PHACTR2: variants seen among roughly 807,000 people sequenced by gnomAD.
PHACTR2 encodes the protein phosphatase and actin regulator 2.
In PHACTR2, 30 loss-of-function variants were observed where a neutral mutation model predicts 76.0. That is an observed-to-expected ratio of 0.39 (90% CI 0.30 to 0.54). The LOEUF (loss-of-function observed/expected upper bound fraction) is 0.54, where lower values mean the gene tolerates loss of function less well. Among genes scored for constraint, PHACTR2 ranks in the 20% least tolerant of loss-of-function variants. The probability of loss-of-function intolerance (pLI) is 0.61; values close to 1 mark genes in which losing one functional copy is unlikely to be tolerated. For synonymous variants in PHACTR2, 292 were observed against 292.5 expected (o/e 1.00, Z 0.02); for missense variants, 696 against 781.1 (o/e 0.89, Z 1.30).
At position 143,758,960 on chromosome 6, in the gene PHACTR2, C is replaced by G. The variant is rs1266752816; in HGVS notation, c.455-1441C>G. ...ATGCAGTATATTCCAATATTAAAAC[C>G]CTTTCTAGAGCATTCAATTATGGGA... is the stretch of plus-strand genomic sequence containing the variant. On this transcript the variant is annotated intron_variant, in intron 4 of 12. Transcript: ENST00000440869. Among the ~76,000 whole-genome samples the G allele has an allele frequency of 2.6e-5, 4 of 151,970 alleles. No individual in the cohort carries two copies. The East Asian group carries it at 7.7e-4, about 29-fold the overall frequency.
chr6:143,717,780 C>T (rs571830170), intron 2 of PHACTR2, among the ~76,000 whole-genome samples: 11 of 152,190 alleles, frequency 7.2e-5, no homozygotes, highest in South Asian at 2.1e-4. Context: ...ACTGTGTTGC[C>T]GGGCTGTTCT....
chr6:143,814,331 A>G (rs1776251357), intron 12 of PHACTR2, among the ~76,000 whole-genome samples: 1 of 152,152 alleles, frequency 6.6e-6, no homozygotes, highest in South Asian at 2.1e-4. Context: ...CAGAGTGAGA[A>G]TCTGTCTCGA....
rs369526631 is a variant in PHACTR2, at chr6:143,735,200, C to T, written c.215-13785C>T. Among the ~76,000 whole-genome samples the T allele has an allele frequency of 3.4e-4, 52 of 152,194 alleles. 2 individuals are homozygous for T. Among genetic ancestry groups the T allele is most frequent in the African/African-American group, 1.0e-3 (42 of 41,530 alleles). ...GACTGTAAGTTTTGAAATTGGTACT[C>T]ATGAAGTTTCCTTTATTCCAAAGTA... On this transcript the variant is annotated intron_variant, in intron 2 of 12. Coordinates refer to ENST00000440869, the MANE Select transcript of PHACTR2 (RefSeq NM_001100164.2).
At chr6:143,711,986 C>T (rs1379386344) in intron 1 of PHACTR2, 30 bp from the exon 2 acceptor site, 7 of 1,602,048 alleles carry the variant, frequency 4.4e-6, no homozygotes, top group East Asian at 2.2e-5. Context: ...TTTTTACAAC[C>T]TTTCTCTGTC....
Position 143,772,254 on chromosome 6 carries a change from A to G in PHACTR2, c.1233-4A>G. The G allele has an allele frequency of 6.2e-7, 1 of 1,610,972 alleles. No individual in the cohort carries two copies. ...TCACTCCCATGCTTTTCTGCCTTTA[A>G]CAGTTTCACAACCAAAGAGGAGCTG... On this transcript the variant is annotated splice_polypyrimidine_tract_variant and splice_region_variant and intron_variant, in intron 6 of 12. Transcript: ENST00000440869. This position sits in a 1 kb window ranked among gnomAD's most constrained non-coding sequence, Gnocchi z 5.4.
In PHACTR2 at chr6:143,628,922, GAGAT is replaced by G. The variant is rs1173146966; in HGVS notation, c.13+20602_13+20605del. 8.8e-4 allele frequency among the ~76,000 whole-genome samples: 92 copies of G among 104,482 alleles called. 13 individuals are homozygous for G. The highest frequency in any genetic ancestry group is 1.1e-3 in the Non-Finnish European group (63 of 54,892). The allele number at this position is 104,482 out of a possible 152,430, so 68.5% of individuals were successfully genotyped here. Reference sequence around the variant, plus strand: ...AAAGAAGATGAATGTTTAAATGCAGGAGATATATATATATATATATATATATATA... The same window carrying G: ...AAAGAAGATGAATGTTTAAATGCAGGATATATATATATATATATATATATA... On this transcript the variant is annotated intron_variant, in intron 1 of 11. Transcript: ENST00000305766.
chr6:143,719,295 G>A (rs868193445), intron 2 of PHACTR2, among the ~76,000 whole-genome samples: 1 of 149,356 alleles, frequency 6.7e-6, no homozygotes, highest in Middle Eastern at 3.4e-3. Context: ...CCAGCCAAAG[G>A]CCACACAGCA....
At chr6:143,636,293 T>C (rs1208920218) in intron 1 of PHACTR2, among the ~76,000 whole-genome samples, 1 of 152,128 alleles carries the variant, frequency 6.6e-6, no homozygotes, top group East Asian at 1.9e-4. Context: ...AAAGGTTATA[T>C]ATATTTTATT....
chr6:143,799,120 G>T (rs1022607963), intron 11 of PHACTR2, among the ~76,000 whole-genome samples: 1 of 152,152 alleles, frequency 6.6e-6, no homozygotes, highest in Admixed American at 6.5e-5. Flanking sequence ...TTGGGAGGGG[G>T]TATGTGTCCA....
chr6:143,564,849 G>A (rs143633399), intron 1 of PHACTR2, among the ~76,000 whole-genome samples: 2 of 152,234 alleles, frequency 1.3e-5, no homozygotes, highest in Admixed American at 6.5e-5. Context: ...CTATGTGGGA[G>A]GTATAATGGG....
chr6:143,750,651 A>G lies in PHACTR2; in HGVS notation c.295+1586A>G, dbSNP rs1214912103. 6.6e-6 allele frequency among the ~76,000 whole-genome samples: 1 copy of G among 152,226 alleles called. No homozygotes were observed. The highest frequency in any genetic ancestry group is 2.4e-5 in the African/African-American group (1 of 41,464). On this transcript the variant is annotated intron_variant, in intron 3 of 12. Coordinates refer to ENST00000440869, the MANE Select transcript of PHACTR2 (RefSeq NM_001100164.2). The surrounding 1 kb of genome is among the most constrained non-coding windows in gnomAD (Gnocchi z 4.6). ...TGCTCTGTCTGAAAACCAAGTAGCA[A>G]TAGTCAATTTAAAGAAATGATTTTT...
In PHACTR2 at chr6:143,771,188, ATGTG is replaced by A. The variant is rs1206917465; in HGVS notation, c.1233-1066_1233-1063del. Among the ~76,000 whole-genome samples, 60 of 16,286 alleles carry A rather than the reference ATGTG, an allele frequency of 3.7e-3. 1 individual carries two copies. Among genetic ancestry groups the A allele is most frequent in the African/African-American group, 0.014 (50 of 3,630 alleles). The allele number at this position is 16,286 out of a possible 152,430, so 10.7% of individuals were successfully genotyped here. ...TATATATATATGTATATATATATAT[ATGTG>A]TGTATATATATATATATATATATAT... On this transcript the variant is annotated intron_variant, in intron 6 of 12. Transcript: ENST00000440869.
chr6:143,668,152 G>A (rs1263865676), intron 1 of PHACTR2, among the ~76,000 whole-genome samples: 5 of 152,090 alleles, frequency 3.3e-5, no homozygotes, highest in African/African-American at 4.8e-5. Context: ...TTTGTCATTC[G>A]TTCTGTTTAT....
rs1210575995 is a variant in PHACTR2 at position 143,618,655 on chromosome 6, G to A, written c.13+10333G>A. Among the ~76,000 whole-genome samples, 2 of 152,056 alleles carry A rather than the reference G, an allele frequency of 1.3e-5. No individual in the cohort carries two copies. The highest frequency in any genetic ancestry group is 2.1e-4 in the South Asian group (1 of 4,812). On this transcript the variant is annotated intron_variant, in intron 1 of 11. Transcript: ENST00000305766. The surrounding 1 kb of genome is among the most constrained non-coding windows in gnomAD (Gnocchi z 5.2). ...TTCCCTAACTGCCCCTCCTGCTCCAGCCCCCACCATTTCTCCCCAGACCCT... is the reference window on the plus strand; with the variant it reads ...TTCCCTAACTGCCCCTCCTGCTCCAACCCCCACCATTTCTCCCCAGACCCT...
chr6:143,626,757 G>A (rs574270042), intron 1 of PHACTR2, among the ~76,000 whole-genome samples: 2 of 152,248 alleles, frequency 1.3e-5, no homozygotes, highest in South Asian at 4.1e-4. Flanking sequence ...CCTGTGCTAT[G>A]TACACCAGGG....
At position 143,697,174 on chromosome 6, in the gene PHACTR2, C is replaced by T. The variant is rs1777793624; in HGVS notation, c.47-14842C>T. Among the ~76,000 whole-genome samples, 1 of 152,182 alleles carries T rather than the reference C, an allele frequency of 6.6e-6. No individual in the cohort carries two copies. The highest frequency in any genetic ancestry group is 2.1e-4 in the South Asian group (1 of 4,834). ...TTTTATAGTTTTCTATATTGTTCCA[C>T]TGTTTTCTAAGAGATTCACATTCTC... On this transcript the variant is annotated intron_variant, in intron 1 of 12. Transcript: ENST00000440869. The surrounding 1 kb of genome is among the most constrained non-coding windows in gnomAD (Gnocchi z 4.4).
At position 143,781,114 on chromosome 6, in the gene PHACTR2, A is replaced by G. The variant is rs75657807; in HGVS notation, c.1646-2105A>G. 1.6e-3 allele frequency among the ~76,000 whole-genome samples: 245 copies of G among 152,338 alleles called. 4 individuals are homozygous for G. In the East Asian group the frequency reaches 0.029, roughly 18 times the overall value. ...GACTACATAGGGACAGCCCATCTCTACAAGATGAAAGTAAAGATTCAGAGG... is the reference window on the plus strand; with the variant it reads ...GACTACATAGGGACAGCCCATCTCTGCAAGATGAAAGTAAAGATTCAGAGG... On this transcript the variant is annotated intron_variant, in intron 9 of 12. Coordinates refer to ENST00000440869, the MANE Select transcript of PHACTR2 (RefSeq NM_001100164.2).
chr6:143,735,833 T>C (rs1334852330), intron 2 of PHACTR2, among the ~76,000 whole-genome samples: 1 of 152,212 alleles, frequency 6.6e-6, no homozygotes, highest in Non-Finnish European at 1.5e-5. Context: ...ATAATTTGGG[T>C]AATTTCTATA....
intron 12 of PHACTR2, among the ~76,000 whole-genome samples, chr6:143,813,289 G>T (rs569893787): frequency 6.6e-6 from 1 of 152,080 alleles, no homozygotes; most frequent in Non-Finnish European, 1.5e-5. Context: ...GGAAAGTCAG[G>T]ATATTGACTA....
Sources: allele counts gnomAD v4.1 joint callset (sites outside exome capture counted in the v4.1 genomes callset), GRCh38; gene constraint gnomAD v4.1.1; non-coding constraint Gnocchi (gnomAD v3.1); transcripts MANE v1.5; gene names NCBI Gene and HGNC (gene_info 2026-07-23, HGNC 2026-07-21).